Variants in TENM3 observed in about 807,000 individuals in gnomAD.
TENM3 encodes the protein teneurin-3.
Under a neutral mutation model 255.1 loss-of-function variants are expected in TENM3, and 63 were observed. The observed-to-expected ratio is 0.25, with a 90% CI of 0.20 to 0.30. The LOEUF is 0.30. Among genes scored for constraint, TENM3 ranks in the 10% least tolerant of loss-of-function variants. The pLI, the probability that TENM3 is intolerant of heterozygous loss-of-function variation, is 1.00. For missense variants in TENM3, 2,929 were observed against 3,461.1 expected (o/e 0.85, Z 3.86); for synonymous variants, 1,306 against 1,322.3 (o/e 0.99, Z 0.27).
chr4:182,682,048 T>G, intron 11 of TENM3, 34 bp downstream of exon 11: 1 of 1,552,458 alleles, frequency 6.4e-7, no homozygotes, highest in East Asian at 2.3e-5. Flanking sequence ...ATCGAGTTGC[T>G]TAATACTGTT....
At chr4:182,436,480 C>T (rs961427406) in intron 3 of TENM3, among the ~76,000 whole-genome samples, 3 of 152,104 alleles carry the variant, frequency 2.0e-5, no homozygotes, top group Non-Finnish European at 2.9e-5. Context: ...ACTGGTGATG[C>T]GCTCTAACGT....
At chr4:182,630,947 T>C (rs934105580) in intron 5 of TENM3, among the ~76,000 whole-genome samples, 1 of 152,098 alleles carries the variant, frequency 6.6e-6, no homozygotes, top group Non-Finnish European at 1.5e-5. Flanking sequence ...ATGGTGTGAC[T>C]AGCAGGAAAA....
intron 1 of TENM3, among the ~76,000 whole-genome samples, chr4:182,273,560 A>G (rs1480029729): frequency 6.6e-6 from 1 of 152,210 alleles, no homozygotes; most frequent in Non-Finnish European, 1.5e-5. Flanking sequence ...TATTCTCTCA[A>G]ACATCTTCCA....
chr4:181,615,250 G>T, the TENM3 span, among the ~76,000 whole-genome samples: 1 of 152,074 alleles, frequency 6.6e-6, no homozygotes, highest in African/African-American at 2.4e-5. Flanking sequence ...GCTCTCTACT[G>T]TATTCTGATT....
chr4:182,007,551 C>T, the TENM3 span, among the ~76,000 whole-genome samples: 1 of 152,028 alleles, frequency 6.6e-6, no homozygotes, highest in East Asian at 1.9e-4. Flanking sequence ...GCAACCCCTG[C>T]TTTATTTTGT....
At chr4:182,301,146 T>A (rs1389290878) in intron 1 of TENM3, among the ~76,000 whole-genome samples, 1 of 152,200 alleles carries the variant, frequency 6.6e-6, no homozygotes, top group Non-Finnish European at 1.5e-5. Context: ...GTTTCCTATA[T>A]TTCCTTTGAC....
intron 3 of TENM3, among the ~76,000 whole-genome samples, chr4:182,425,519 G>A (rs2151161272): frequency 6.6e-6 from 1 of 152,274 alleles, no homozygotes; most frequent in Non-Finnish European, 1.5e-5. Context: ...TTTTTCCGTT[G>A]TAGTATGTGC....
the TENM3 span, among the ~76,000 whole-genome samples, chr4:181,478,674 TTAAGTA>T: frequency 6.6e-6 from 1 of 152,200 alleles, no homozygotes; most frequent in African/African-American, 2.4e-5. Context: ...CATACTTTCT[TTAAGTA>T]TATCAAGAGA....
In TENM3 at chr4:182,628,708, A is replaced by C; in HGVS notation, c.807A>C (p.Pro269=). 1 of 1,608,158 alleles carries C rather than the reference A, an allele frequency of 6.2e-7. No individual in the cohort carries two copies. Among genetic ancestry groups the C allele is most frequent in the Non-Finnish European group, 8.5e-7 (1 of 1,177,218 alleles). The change falls in exon 5 of 28, where the codon CCA becomes CCC. Residue 269 remains proline, a synonymous_variant. Transcript: ENST00000511685. ...GTTPLFSTAT[P]GYTMASGSVY... is the part of the protein sequence containing the mutation. ...CGCCACTGTTCAGTACTGCAACCCCAGGATACACAATGGCATCTGGCTCTG... is the reference window on the plus strand; with the variant it reads ...CGCCACTGTTCAGTACTGCAACCCCCGGATACACAATGGCATCTGGCTCTG...
chr4:182,289,260 G>A (rs781207494), intron 1 of TENM3, among the ~76,000 whole-genome samples: 6 of 152,182 alleles, frequency 3.9e-5, no homozygotes, highest in Middle Eastern at 3.2e-3. Flanking sequence ...ATATTAAAAC[G>A]CATTTAGATG....
the TENM3 span, among the ~76,000 whole-genome samples, chr4:181,605,570 G>T: frequency 8.1e-5 from 2 of 24,788 alleles, no homozygotes; most frequent in East Asian, 1.1e-3. Flanking sequence ...AAGAAAGAAA[G>T]AGAGAGAAAG....
chr4:182,186,624 G>A (rs1215109958), intron 1 of TENM3, among the ~76,000 whole-genome samples: 4 of 150,916 alleles, frequency 2.7e-5, no homozygotes, highest in Admixed American at 6.6e-5. Context: ...CACAGCCAAT[G>A]TATTGACTTC....
chr4:181,733,460 C>A, the TENM3 span, among the ~76,000 whole-genome samples: 28 of 152,250 alleles, frequency 1.8e-4, no homozygotes, highest in African/African-American at 6.5e-4. Context: ...ACTGAAATCA[C>A]CAGATTCTCA....
chr4:182,065,878 G>T, the TENM3 span, among the ~76,000 whole-genome samples: 1 of 152,162 alleles, frequency 6.6e-6, no homozygotes, highest in South Asian at 2.1e-4. Flanking sequence ...CCCTCATAAG[G>T]AAGGTGGGCT....
intron 1 of TENM3, among the ~76,000 whole-genome samples, chr4:182,309,964 G>T (rs1275737982): frequency 1.3e-5 from 2 of 152,052 alleles, no homozygotes; most frequent in African/African-American, 4.8e-5. Context: ...TAATATCTCC[G>T]CTAGAAAGGT....
the TENM3 span, among the ~76,000 whole-genome samples, chr4:182,048,104 A>T: frequency 1.3e-5 from 2 of 152,172 alleles, no homozygotes; most frequent in African/African-American, 4.8e-5. Context: ...TCATTTAATC[A>T]ATGTGAAATA....
At chr4:181,782,764 A>G in the TENM3 span, among the ~76,000 whole-genome samples, 7 of 152,318 alleles carry the variant, frequency 4.6e-5, no homozygotes, top group East Asian at 1.4e-3. Flanking sequence ...GTTTAGTGCT[A>G]TAAATTTCCC....
the TENM3 span, among the ~76,000 whole-genome samples, chr4:182,095,506 G>A: frequency 5.5e-4 from 83 of 152,284 alleles, no homozygotes; most frequent in Non-Finnish European, 9.7e-4. Flanking sequence ...ACCTCATAGA[G>A]GTTGAGAGTA....
chr4:182,276,427 G>T (rs866027100), intron 1 of TENM3, among the ~76,000 whole-genome samples: 2 of 152,202 alleles, frequency 1.3e-5, no homozygotes, highest in African/African-American at 4.8e-5. Context: ...GATAACATTT[G>T]TGATAAGGTG....
Sources: allele counts gnomAD v4.1 joint callset (sites outside exome capture counted in the v4.1 genomes callset), GRCh38; gene constraint gnomAD v4.1.1; transcripts MANE v1.5; gene names NCBI Gene and HGNC (gene_info 2026-07-23, HGNC 2026-07-21).